PRKD1: variants seen among roughly 807,000 people sequenced by gnomAD.
PRKD1 encodes the protein serine/threonine-protein kinase D1.
A neutral mutation model predicts 95.9 loss-of-function variants in PRKD1; 63 were observed. The ratio of observed to expected loss-of-function variants is 0.66; its 90% CI spans 0.54 to 0.81. The LOEUF (loss-of-function observed/expected upper bound fraction) is 0.81. Ranked by LOEUF, PRKD1 falls within the 30% of genes least tolerant of loss-of-function variation. The pLI is 0.00. For missense variants in PRKD1, 1,048 were observed against 1,165.3 expected (o/e 0.90, Z 1.47); for synonymous variants, 425 against 423.1 (o/e 1.00, Z -0.05).
chr14:29,841,915 T>A (rs928581972), intron 1 of PRKD1, among the ~76,000 whole-genome samples: 1 of 151,962 alleles, frequency 6.6e-6, no homozygotes, highest in South Asian at 2.1e-4. Flanking sequence ...TTTATATACT[T>A]ATTCTATAAA....
intron 1 of PRKD1, among the ~76,000 whole-genome samples, chr14:29,895,491 G>A (rs1213820970): frequency 6.6e-6 from 1 of 152,000 alleles, no homozygotes; most frequent in East Asian, 1.9e-4. Context: ...TTTCTATTCA[G>A]CAGCCAAGAG....
At position 29,862,615 on chromosome 14, in the gene PRKD1, A is replaced by T. The variant is rs1409687725; in HGVS notation, c.264+64634T>A. ...CACTGTAGTTTGCATTTCTCTGATGATCAATGATGTTTAGCACCTTTTCTT... is the reference window on the plus strand; with the variant it reads ...CACTGTAGTTTGCATTTCTCTGATGTTCAATGATGTTTAGCACCTTTTCTT... On this transcript the variant is annotated intron_variant, in intron 1 of 17. Transcript: ENST00000331968. 2.6e-5 allele frequency among the ~76,000 whole-genome samples: 4 copies of T among 152,188 alleles called. 1 individual carries two copies. The East Asian group carries it at 7.7e-4, about 29-fold the overall frequency.
rs542853319 is a variant in PRKD1 at position 29,867,294 on chromosome 14, T to G, written c.264+59955A>C. Among the ~76,000 whole-genome samples the G allele has an allele frequency of 1.9e-4, 29 of 152,224 alleles. No homozygotes were observed. The South Asian group carries it at 4.8e-3, about 25-fold the overall frequency. On this transcript the variant is annotated intron_variant, in intron 1 of 17. Transcript: ENST00000331968. The stretch of plus-strand genomic sequence containing the variant: ...GAGTTGCAGGGAAGGCCCATTTACA[T>G]AGTGGTTGGGGAAAGAATCTTCAAG...
At chr14:29,613,780 C>T (rs953810283) in intron 13 of PRKD1, among the ~76,000 whole-genome samples, 2 of 152,180 alleles carry the variant, frequency 1.3e-5, no homozygotes, top group African/African-American at 2.4e-5. Flanking sequence ...CACAGTAAGC[C>T]CATTTCCTGG....
intron 1 of PRKD1, among the ~76,000 whole-genome samples, chr14:29,906,972 C>G (rs1029234305): frequency 5.3e-5 from 8 of 152,138 alleles, no homozygotes; most frequent in African/African-American, 1.9e-4. Context: ...TTCTTAAAAT[C>G]TACAGGTAAA....
chr14:29,741,810 CTT>C (rs1886991432), intron 1 of PRKD1, among the ~76,000 whole-genome samples: 2 of 152,172 alleles, frequency 1.3e-5, no homozygotes, highest in East Asian at 3.9e-4. Context: ...ATCTATATAT[CTT>C]GTTTTTCCTC....
chr14:29,919,641 T>C (rs1363697655), intron 1 of PRKD1, among the ~76,000 whole-genome samples: 2 of 152,170 alleles, frequency 1.3e-5, no homozygotes, highest in Non-Finnish European at 2.9e-5. Flanking sequence ...ATCACCATTT[T>C]CTTTGTATCT....
chr14:29,908,982 A>G (rs1894597428), intron 1 of PRKD1, among the ~76,000 whole-genome samples: 1 of 152,166 alleles, frequency 6.6e-6, no homozygotes. Flanking sequence ...CTCTGCTTGC[A>G]GTGAGGTGTG....
At chr14:29,747,432 G>C (rs1415704983) in intron 1 of PRKD1, among the ~76,000 whole-genome samples, 1 of 151,978 alleles carries the variant, frequency 6.6e-6, no homozygotes, top group Non-Finnish European at 1.5e-5. Flanking sequence ...ATATGACCCA[G>C]CAACTCCACT....
intron 1 of PRKD1, among the ~76,000 whole-genome samples, chr14:29,877,515 T>C (rs1221199239): frequency 6.6e-6 from 1 of 152,254 alleles, no homozygotes; most frequent in Non-Finnish European, 1.5e-5. Flanking sequence ...TATCAATGTT[T>C]GCTTTTGTTG....
chr14:29,701,781 T>A (rs1196368427), intron 2 of PRKD1, among the ~76,000 whole-genome samples: 1 of 152,200 alleles, frequency 6.6e-6, no homozygotes, highest in Non-Finnish European at 1.5e-5. Flanking sequence ...TGATCCTTCA[T>A]GTTGGTAACT....
At chr14:29,586,514 T>C (rs902704580) in intron 16 of PRKD1, among the ~76,000 whole-genome samples, 1 of 152,226 alleles carries the variant, frequency 6.6e-6, no homozygotes, top group Non-Finnish European at 1.5e-5. Context: ...AAATCTGGGT[T>C]TTAAATCCAC....
At chr14:29,723,670 C>T (rs8017599) in intron 2 of PRKD1, among the ~76,000 whole-genome samples, 2,533 of 149,646 alleles carry the variant, frequency 0.017, 72 homozygotes, top group African/African-American at 0.057. Flanking sequence ...ATTGAGTGTG[C>T]GTGTGTGTGT....
At chr14:29,629,344 C>A (rs1255404358) in intron 10 of PRKD1, among the ~76,000 whole-genome samples, 1 of 152,130 alleles carries the variant, frequency 6.6e-6, no homozygotes, top group African/African-American at 2.4e-5. Context: ...GATTCAAATA[C>A]TGGCTTTGCT....
chr14:29,593,741 G>A (rs1893207718), intron 16 of PRKD1, among the ~76,000 whole-genome samples: 1 of 152,142 alleles, frequency 6.6e-6, no homozygotes, highest in African/African-American at 2.4e-5. Flanking sequence ...CTTCCCAGTT[G>A]TGTGAGCCAA....
chr14:29,903,158 A>G (rs1052457249), intron 1 of PRKD1, among the ~76,000 whole-genome samples: 1 of 152,166 alleles, frequency 6.6e-6, no homozygotes, highest in Non-Finnish European at 1.5e-5. Context: ...AAAATTTAAC[A>G]GAGAATTTTC....
chr14:29,632,894 T>C lies in PRKD1; in HGVS notation c.1367A>G (p.Asn456Ser), dbSNP rs1374184516. ...CTTGTAGTACCTGCTTCCTGTGTCA[T>C]TCTGAAAGAGGGTAATACATTTGCT... is the stretch of plus-strand genomic sequence containing the variant. ...LDSKCITLFQNDTGSRYYKEI... is the reference protein window; with the variant it reads ...LDSKCITLFQSDTGSRYYKEI... Residue 456 changes from asparagine (N) to serine (S), a missense_variant, in exon 9 of 18, where the codon AAT (asparagine) becomes AGT (serine). By Grantham distance (46) the Asn-to-Ser change is conservative. Coordinates refer to ENST00000331968, the MANE Select transcript of PRKD1 (RefSeq NM_002742.3). 1.9e-6 allele frequency: 3 copies of C among 1,613,626 alleles called. No individual in the cohort carries two copies. The highest frequency in any genetic ancestry group is 1.7e-6 in the Non-Finnish European group (2 of 1,179,540).
rs536627889 is a variant in PRKD1 at position 29,672,257 on chromosome 14, C to T, written c.404-6049G>A. Among the ~76,000 whole-genome samples, 348 of 151,800 alleles carry T rather than the reference C, an allele frequency of 2.3e-3. 4 individuals carry two copies. Among genetic ancestry groups the T allele is most frequent in the Non-Finnish European group, 4.6e-4 (31 of 67,962 alleles). On this transcript the variant is annotated intron_variant, in intron 2 of 17. Coordinates refer to ENST00000331968, the MANE Select transcript of PRKD1 (RefSeq NM_002742.3). ...TTGGGAGGCTGAGGCAGGAGAATGGCGTGAACTTGGGAGGCAGAGCTTGCA... is the reference window on the plus strand; with the variant it reads ...TTGGGAGGCTGAGGCAGGAGAATGGTGTGAACTTGGGAGGCAGAGCTTGCA...
chr14:29,595,654 C>A (rs549374449), intron 16 of PRKD1, among the ~76,000 whole-genome samples: 2 of 152,242 alleles, frequency 1.3e-5, no homozygotes, highest in South Asian at 4.1e-4. Flanking sequence ...TCTTAATAGG[C>A]TATAGTTACA....
Sources: gnomAD v4.1 joint callset for allele counts (sites outside exome capture counted in the v4.1 genomes callset) on GRCh38, gnomAD v4.1.1 for gene constraint, MANE v1.5 for transcripts, NCBI Gene and HGNC (gene_info 2026-07-23, HGNC 2026-07-21) for gene names.